The following ILDR2 variants were observed in gnomAD, a reference collection of about 807,000 sequenced individuals.
The protein encoded by ILDR2 is immunoglobulin like domain containing receptor 2.
In ILDR2, 25 loss-of-function variants were observed where a neutral mutation model predicts 66.8. The ratio of observed to expected loss-of-function variants is 0.37; its 90% CI spans 0.27 to 0.52. The LOEUF (loss-of-function observed/expected upper bound fraction) is 0.52. Among genes scored for constraint, ILDR2 ranks in the 20% least tolerant of loss-of-function variants. The probability of loss-of-function intolerance (pLI) is 0.88; values close to 1 mark genes in which losing one functional copy is unlikely to be tolerated. For synonymous variants in ILDR2, 367 were observed against 357.2 expected (o/e 1.03, Z -0.31); for missense variants, 827 against 876.8 (o/e 0.94, Z 0.72).
chr1:166,965,754 T>TTA (rs1553232700), intron 1 of ILDR2, among the ~76,000 whole-genome samples: 3 of 150,392 alleles, frequency 2.0e-5, no homozygotes, highest in African/African-American at 7.4e-5. Context: ...TTTTTTTTTT[T>TTA]AGTAGAGGTG....
intron 6 of ILDR2, among the ~76,000 whole-genome samples, chr1:166,934,049 C>A (rs547180366): frequency 6.6e-6 from 1 of 152,170 alleles, no homozygotes; most frequent in African/African-American, 2.4e-5. Context: ...CCAACTCCAG[C>A]GGCTCATCTA....
intron 7 of ILDR2, among the ~76,000 whole-genome samples, chr1:166,926,649 G>T (rs1175658425): frequency 6.6e-6 from 1 of 151,092 alleles, no homozygotes; most frequent in African/African-American, 2.4e-5. Context: ...ATTTTAAAGG[G>T]AGTAGAAGGG....
chr1:166,896,988 G>A (rs1448209750), intron 2 of ILDR2, among the ~76,000 whole-genome samples: 1 of 152,140 alleles, frequency 6.6e-6, no homozygotes, highest in Non-Finnish European at 1.5e-5. Context: ...AATTACATAT[G>A]CAGCTTACAT....
At chr1:166,961,785 T>C (rs963990118) in intron 1 of ILDR2, among the ~76,000 whole-genome samples, 2 of 152,176 alleles carry the variant, frequency 1.3e-5, no homozygotes, top group Admixed American at 1.3e-4. Context: ...AGTACAGAGA[T>C]CAAGGTGTCA....
Position 166,921,986 on chromosome 1 carries a change from T to A in ILDR2, c.1211+607A>T, listed in dbSNP as rs1659976280. ...GTTGTGGGAGGCCACATCACCTGGG[T>A]AAGTGCCTTAGCACCTAGAAGTTTC... On this transcript the variant is annotated intron_variant, in intron 8 of 9. Transcript: ENST00000271417. This position sits in a 1 kb window ranked among gnomAD's most constrained non-coding sequence, Gnocchi z 5.3. 6.6e-6 allele frequency among the ~76,000 whole-genome samples: 1 copy of A among 152,188 alleles called. No homozygotes were observed. The highest frequency in any genetic ancestry group is 1.5e-5 in the Non-Finnish European group (1 of 68,030).
chr1:166,972,083 G>A (rs1028798666), intron 1 of ILDR2, among the ~76,000 whole-genome samples: 1 of 151,908 alleles, frequency 6.6e-6, no homozygotes, highest in Non-Finnish European at 1.5e-5. Flanking sequence ...GTGGTGGCGC[G>A]TGCCTATAAT....
intron 1 of ILDR2, among the ~76,000 whole-genome samples, chr1:166,964,053 G>T (rs891880376): frequency 2.0e-5 from 3 of 151,830 alleles, no homozygotes; most frequent in African/African-American, 7.3e-5. Context: ...AGGAGAGAGA[G>T]CAAGAGAGGA....
chr1:166,972,507 C>T, intron 1 of ILDR2, among the ~76,000 whole-genome samples: 1 of 152,198 alleles, frequency 6.6e-6, no homozygotes, highest in Non-Finnish European at 1.5e-5. Flanking sequence ...ACAACAACAA[C>T]AGCAACAATA....
chr1:166,896,451 TG>T (rs1659168349), intron 2 of ILDR2, among the ~76,000 whole-genome samples: 1 of 152,074 alleles, frequency 6.6e-6, no homozygotes, highest in African/African-American at 2.4e-5. Context: ...AGACAGTCAG[TG>T]GCTCTCAAGT....
chr1:166,924,185 TC>T (rs1437828791), intron 7 of ILDR2, among the ~76,000 whole-genome samples: 4 of 152,226 alleles, frequency 2.6e-5, no homozygotes, highest in African/African-American at 9.7e-5. Context: ...AACCTTTTCT[TC>T]CATCTAAGAA....
At chr1:166,927,484 C>T (rs1326340799) in intron 6 of ILDR2, among the ~76,000 whole-genome samples, 7 of 152,238 alleles carry the variant, frequency 4.6e-5, no homozygotes, top group Non-Finnish European at 2.9e-5. Context: ...TAGTGCTCAT[C>T]TTCTCAGCGC....
chr1:166,926,833 A>G (rs1228705579), intron 7 of ILDR2, among the ~76,000 whole-genome samples: 1 of 152,018 alleles, frequency 6.6e-6, no homozygotes, highest in Non-Finnish European at 1.5e-5. Flanking sequence ...TGACTGCCCC[A>G]TGGAGAAAAC....
At chr1:166,962,182 A>T (rs1662660269) in intron 1 of ILDR2, among the ~76,000 whole-genome samples, 1 of 152,216 alleles carries the variant, frequency 6.6e-6, no homozygotes, top group South Asian at 2.1e-4. Flanking sequence ...GACCAAGTTT[A>T]TCGGGACCCC....
At position 166,935,422 on chromosome 1, in the gene ILDR2, G is replaced by A; in HGVS notation, c.759C>T (p.Val253=). 6.2e-7 allele frequency: 1 copy of A among 1,612,978 alleles called. No individual in the cohort carries two copies. The highest frequency in any genetic ancestry group is 1.1e-5 in the South Asian group (1 of 90,928). ...CAGAGGGGATGGAGTAAGGGCCGGGGACACCGGAGACAGAGGGAGGGTACC... is the reference window on the plus strand; with the variant it reads ...CAGAGGGGATGGAGTAAGGGCCGGGAACACCGGAGACAGAGGGAGGGTACC... The part of the protein sequence containing the change: ...KAGYPPSVSG[V]PGPYSIPSVP... Residue 253 remains valine (V), a synonymous_variant, in exon 6 of 10, where the codon GTC becomes GTT. Transcript: ENST00000271417.
intron 2 of ILDR2, among the ~76,000 whole-genome samples, chr1:166,902,061 T>C (rs1013644088): frequency 1.3e-5 from 2 of 152,228 alleles, no homozygotes; most frequent in African/African-American, 2.4e-5. Context: ...GGTTTCTCCA[T>C]GTTGGTCAGG....
chr1:166,898,873 A>G (rs973122637), intron 2 of ILDR2, among the ~76,000 whole-genome samples: 5 of 151,950 alleles, frequency 3.3e-5, no homozygotes, highest in Admixed American at 1.3e-4. Context: ...CAGCCTGAGC[A>G]ACATAGGAAG....
intron 1 of ILDR2, among the ~76,000 whole-genome samples, chr1:166,969,380 C>T (rs375593214): frequency 6.6e-6 from 1 of 152,222 alleles, no homozygotes. Flanking sequence ...GAACTCTAGT[C>T]ATCCAAAACA....
intron 1 of ILDR2, among the ~76,000 whole-genome samples, chr1:166,961,546 C>T (rs1235995536): frequency 1.3e-5 from 2 of 152,200 alleles, no homozygotes; most frequent in African/African-American, 4.8e-5. Context: ...TCTACATGAC[C>T]TCAAGCAAAC....
intron 3 of ILDR2, among the ~76,000 whole-genome samples, chr1:166,945,800 AT>A (rs1450548097): frequency 6.6e-6 from 1 of 152,160 alleles, no homozygotes; most frequent in Non-Finnish European, 1.5e-5. Context: ...AGTTACCTCC[AT>A]TTCTTTAAAC....
Sources: gnomAD v4.1 joint callset for allele counts (sites outside exome capture counted in the v4.1 genomes callset) on GRCh38, gnomAD v4.1.1 for gene constraint, Gnocchi (gnomAD v3.1) non-coding constraint, MANE v1.5 for transcripts, NCBI Gene and HGNC (gene_info 2026-07-23, HGNC 2026-07-21) for gene names.